The following PPIH variants were observed in gnomAD, a reference collection of about 807,000 sequenced individuals.
PPIH encodes peptidyl-prolyl cis-trans isomerase H.
Under a neutral mutation model 27.6 loss-of-function variants are expected in PPIH, and 16 were observed. That is an observed-to-expected ratio of 0.58 (90% CI 0.39 to 0.88). The LOEUF is 0.88. Ranked by LOEUF, PPIH falls within the 40% of genes least tolerant of loss-of-function variation. The pLI, the probability that PPIH is intolerant of heterozygous loss-of-function variation, is 0.00. For missense variants in PPIH, 155 were observed against 224.1 expected, an observed-to-expected ratio of 0.69 and a Z score of 1.97; for synonymous variants, 63 against 76.1, an observed-to-expected ratio of 0.83 and a Z score of 0.90.
At chr1:42,680,172 T>C (rs1342620797), downstream of PPIH, among the ~76,000 whole-genome samples, 1 of 152,164 alleles carries the variant, frequency 6.6e-6, no homozygotes, top group African/African-American at 2.4e-5. Flanking sequence ...GTATGTAGAA[T>C]TTTATGTAAT....
chr1:42,666,534 G>T lies in PPIH; in HGVS notation c.425-13G>T. The T allele has an allele frequency of 6.2e-7, 1 of 1,613,102 alleles. No individual in the cohort carries two copies. The highest frequency in any genetic ancestry group is 8.5e-7 in the Non-Finnish European group (1 of 1,179,166). The stretch of plus-strand genomic sequence containing the variant: ...TAAACAAGAATAAAGTCCAGCTCAT[G>T]CTCTTCCTACAGGAAAAATCATCGA... On this transcript the variant is annotated splice_polypyrimidine_tract_variant and intron_variant, in intron 7 of 9. Coordinates refer to ENST00000304979, the MANE Select transcript of PPIH (RefSeq NM_006347.4).
At chr1:42,679,473 G>A (rs994607248), downstream of PPIH, among the ~76,000 whole-genome samples, 4 of 152,208 alleles carry the variant, frequency 2.6e-5, no homozygotes, top group African/African-American at 4.8e-5. Context: ...ATGAGCCACC[G>A]TGCCTGGCTG....
In PPIH at chr1:42,666,547, GA is replaced by G. The variant is rs757059995; in HGVS notation, c.430del (p.Ile144SerfsTer6). 1 of 1,613,810 alleles carries G rather than the reference GA, an allele frequency of 6.2e-7. No individual in the cohort carries two copies. On this transcript the variant is annotated frameshift_variant and splice_region_variant, in exon 8 of 10. Coordinates refer to ENST00000304979, the MANE Select transcript of PPIH (RefSeq NM_006347.4). LOFTEE classifies it high-confidence loss of function. ...DWLDGKHVVF[G>X]KIIDGLLVMR... ...AGTCCAGCTCATGCTCTTCCTACAG[GA>G]AAAATCATCGATGGACTTCTAGTGA...
At chr1:42,666,718 A>G in intron 8 of PPIH, 131 bp downstream of exon 8, 1 of 913,618 alleles carries the variant, frequency 1.1e-6, no homozygotes, top group Non-Finnish European at 1.7e-6. Context: ...AGGAAAAGGG[A>G]AGAGAACCAC....
chr1:42,664,717 G>A, intron 5 of PPIH, 146 bp from the exon 6 acceptor site: 2 of 618,108 alleles, frequency 3.2e-6, no homozygotes, highest in South Asian at 2.1e-5. Flanking sequence ...TGCAGGGTGG[G>A]GTCAAATAGG....
intron 4 of PPIH, among the ~76,000 whole-genome samples, chr1:42,660,557 G>A (rs1360340152): frequency 6.6e-6 from 1 of 152,122 alleles, no homozygotes; most frequent in Non-Finnish European, 1.5e-5. Context: ...AGCCTCCCGA[G>A]TAGCCAGGAC....
chr1:42,666,516 G>A lies in PPIH; in HGVS notation c.425-31G>A, dbSNP rs778572602. 13 of 1,608,868 alleles carry A rather than the reference G, an allele frequency of 8.1e-6. No homozygotes were observed. In the African/African-American group the frequency reaches 1.6e-4, roughly 20 times the overall value. ...AAGCTGGAAAATGCTATGTAAACAAGAATAAAGTCCAGCTCATGCTCTTCC... is the reference window on the plus strand; with the variant it reads ...AAGCTGGAAAATGCTATGTAAACAAAAATAAAGTCCAGCTCATGCTCTTCC... On this transcript the variant is annotated intron_variant, in intron 7 of 9. Transcript: ENST00000304979.
At chr1:42,660,997 C>G in intron 5 of PPIH, 93 bp downstream of exon 5, 1 of 1,193,390 alleles carries the variant, frequency 8.4e-7, no homozygotes, top group Non-Finnish European at 1.2e-6. Context: ...ACCCAGTCTT[C>G]AGGCTTGAGA....
Position 42,659,506 on chromosome 1 carries a change from T to C in PPIH, c.156-16T>C. 2 of 1,614,120 alleles carry C rather than the reference T, an allele frequency of 1.2e-6. No homozygotes were observed. The highest frequency in any genetic ancestry group is 1.7e-6 in the Non-Finnish European group (2 of 1,180,038). On this transcript the variant is annotated splice_polypyrimidine_tract_variant and intron_variant, in intron 3 of 9. Coordinates refer to ENST00000304979, the MANE Select transcript of PPIH (RefSeq NM_006347.4). ...CTACCTGCTGTCACTCCAAGTCTCT[T>C]TCTTTTCGGTTATAGGAAAGATGGG... is the stretch of plus-strand genomic sequence containing the variant.
In PPIH at chr1:42,658,797, C is replaced by T. The variant is rs746461096; in HGVS notation, c.67-47C>T. Reference sequence around the variant, plus strand: ...ATCATGCCCCCTGCTCCGTGAAGCCCTCATGGTCTTGGACTGGGCCTTCTG... The same window carrying T: ...ATCATGCCCCCTGCTCCGTGAAGCCTTCATGGTCTTGGACTGGGCCTTCTG... On this transcript the variant is annotated intron_variant, in intron 1 of 9. Transcript: ENST00000304979. 10 of 1,603,466 alleles carry T rather than the reference C, an allele frequency of 6.2e-6. No individual in the cohort carries two copies. In the South Asian group the frequency reaches 1.1e-4, roughly 18 times the overall value.
chr1:42,671,603 C>T (rs1217846255), intron 9 of PPIH, among the ~76,000 whole-genome samples: 1 of 152,130 alleles, frequency 6.6e-6, no homozygotes, highest in Non-Finnish European at 1.5e-5. Context: ...AAGCAGTTAT[C>T]CTTCAATGAA....
chr1:42,662,574 G>T (rs192142211), intron 5 of PPIH, among the ~76,000 whole-genome samples: 3 of 151,918 alleles, frequency 2.0e-5, no homozygotes, highest in Admixed American at 1.3e-4. Context: ...AAAAAAGCTT[G>T]CTTAGAACCT....
At chr1:42,659,652 G>T in intron 4 of PPIH, 86 bp downstream of exon 4, 1 of 1,523,866 alleles carries the variant, frequency 6.6e-7, no homozygotes, top group Admixed American at 2.2e-5. Flanking sequence ...AAACCAGAGG[G>T]TAATTCTTAC....
chr1:42,658,991 CT>C (rs1648837774), intron 2 of PPIH, 83 bp downstream of exon 2: 2 of 1,476,576 alleles, frequency 1.4e-6, no homozygotes, highest in East Asian at 4.6e-5. Flanking sequence ...CTGTCTACCT[CT>C]GTCCGTCCGC....
intron 6 of PPIH, 108 bp downstream of exon 6, chr1:42,665,063 G>C: frequency 1.1e-6 from 1 of 939,912 alleles, no homozygotes; most frequent in Non-Finnish European, 1.7e-6. Context: ...TCCTTCTCTT[G>C]CTTGGCCCAG....
intron 3 of PPIH, 98 bp downstream of exon 3, chr1:42,659,349 T>A: frequency 6.2e-7 from 1 of 1,614,214 alleles, no homozygotes; most frequent in Non-Finnish European, 8.5e-7. Flanking sequence ...CCTTGAATGA[T>A]TGCTGGTGAC....
At position 42,664,948 on chromosome 1, in the gene PPIH, T is replaced by G; in HGVS notation, c.329T>G (p.Leu110Arg). Reference protein sequence around the residue: ...FKLRHSAPGLLSMANSGPSTN... With the variant: ...FKLRHSAPGLRSMANSGPSTN... ...CTTAGACACTCAGCTCCAGGCCTGC[T>G]TTCCATGGTAAGTGAGGTCCAATCA... Residue 110 changes from leucine to arginine, a missense_variant, in exon 6 of 10, where the codon CTT becomes CGT. By Grantham distance (102) the Leu-to-Arg change is moderately radical. Around this residue, in one of 2 missense-constraint regions of PPIH, gnomAD observed 96 missense variants for 175.3 expected, o/e 0.55. Coordinates refer to ENST00000304979, the MANE Select transcript of PPIH (RefSeq NM_006347.4). 5 of 1,613,800 alleles carry G rather than the reference T, an allele frequency of 3.1e-6. No homozygotes were observed. The highest frequency in any genetic ancestry group is 4.2e-6 in the Non-Finnish European group (5 of 1,179,786).
downstream of PPIH, among the ~76,000 whole-genome samples, chr1:42,680,680 G>T (rs999860525): frequency 6.6e-6 from 1 of 152,184 alleles, no homozygotes; most frequent in Non-Finnish European, 1.5e-5. Flanking sequence ...ACTGCTCTAT[G>T]CTAGGGGTCA....
chr1:42,681,424 T>C (rs1650015310), downstream of PPIH: 1 of 152,128 alleles, frequency 6.6e-6, no homozygotes, highest in South Asian at 2.1e-4. Flanking sequence ...AATTTCTGCC[T>C]CCATCAGAAG....
Sources: allele counts gnomAD v4.1 joint callset (sites outside exome capture counted in the v4.1 genomes callset), GRCh38; gene constraint gnomAD v4.1.1; regional missense constraint gnomAD v4.1.1; transcripts MANE v1.5; gene names NCBI Gene and HGNC (gene_info 2026-07-23, HGNC 2026-07-21).